Variants in SCARA5 observed in about 807,000 individuals in gnomAD.
SCARA5 encodes the protein scavenger receptor class A member 5.
Under a neutral mutation model 46.3 loss-of-function variants are expected in SCARA5, and 45 were observed. The ratio of observed to expected loss-of-function variants is 0.97; its 90% confidence interval spans 0.76 to 1.24. The LOEUF is 1.24. SCARA5 is among the 50% of genes most tolerant of loss of function. The probability of loss-of-function intolerance (pLI) is 0.00; values close to 1 mark genes in which losing one functional copy is unlikely to be tolerated. For missense variants in SCARA5, 680 were observed against 689.0 expected, an observed-to-expected ratio of 0.99 and a Z score of 0.15; for synonymous variants, 333 against 306.5, an observed-to-expected ratio of 1.09 and a Z score of -0.90.
intron 7 of SCARA5, among the ~76,000 whole-genome samples, chr8:27,900,822 C>T (rs1289723872): frequency 6.7e-6 from 1 of 148,736 alleles, no homozygotes; most frequent in Non-Finnish European, 1.5e-5. Flanking sequence ...GCCAAACTCC[C>T]AAAAGCCAAA....
At chr8:27,989,982 G>A (rs1464448185) in intron 1 of SCARA5, among the ~76,000 whole-genome samples, 1 of 152,276 alleles carries the variant, frequency 6.6e-6, no homozygotes, top group Non-Finnish European at 1.5e-5. Flanking sequence ...CTCTGCCAAA[G>A]GCAATAGCCT....
At chr8:27,903,922 A>T (rs999291168) in intron 7 of SCARA5, among the ~76,000 whole-genome samples, 4 of 152,180 alleles carry the variant, frequency 2.6e-5, no homozygotes, top group African/African-American at 9.7e-5. Flanking sequence ...GACAGAGCCA[A>T]CTAACACCAC....
chr8:27,950,501 G>A (rs571410367), intron 3 of SCARA5, among the ~76,000 whole-genome samples: 60 of 152,210 alleles, frequency 3.9e-4, no homozygotes, highest in African/African-American at 1.3e-3. Flanking sequence ...GGCCAGCACC[G>A]TGGTTTCCCT....
At chr8:27,984,148 C>T (rs1808665110) in intron 2 of SCARA5, among the ~76,000 whole-genome samples, 1 of 152,084 alleles carries the variant, frequency 6.6e-6, no homozygotes, top group Non-Finnish European at 1.5e-5. Context: ...TCCCATTTCA[C>T]TCCGCAGAGA....
chr8:27,964,036 C>T (rs1456478485), intron 3 of SCARA5, among the ~76,000 whole-genome samples: 1 of 152,226 alleles, frequency 6.6e-6, no homozygotes, highest in Non-Finnish European at 1.5e-5. Context: ...CAGGCAAGCT[C>T]TTCTTCACAC....
intron 3 of SCARA5, among the ~76,000 whole-genome samples, chr8:27,944,097 C>G (rs79030205): frequency 6.6e-6 from 1 of 152,280 alleles, no homozygotes; most frequent in Admixed American, 6.5e-5. Flanking sequence ...TAGCAAGCAA[C>G]TGGCCTGCAT....
chr8:27,952,488 C>T (rs1808143756), intron 3 of SCARA5, among the ~76,000 whole-genome samples: 2 of 152,062 alleles, frequency 1.3e-5, no homozygotes, highest in African/African-American at 4.8e-5. Flanking sequence ...CCTTCGTTGC[C>T]ATCACCCAGG....
intron 7 of SCARA5, among the ~76,000 whole-genome samples, chr8:27,890,374 A>T (rs944830804): frequency 9.8e-5 from 15 of 152,340 alleles, no homozygotes; most frequent in African/African-American, 3.1e-4. Flanking sequence ...CACTCCTAGA[A>T]CCAGGTGGCA....
At chr8:27,985,598 C>T (rs897657074) in intron 2 of SCARA5, among the ~76,000 whole-genome samples, 1 of 152,168 alleles carries the variant, frequency 6.6e-6, no homozygotes, top group African/African-American at 2.4e-5. Flanking sequence ...TCAGAGATAA[C>T]CCCCTGCATC....
intron 4 of SCARA5, among the ~76,000 whole-genome samples, chr8:27,920,445 T>A (rs557048543): frequency 6.6e-6 from 1 of 151,610 alleles, no homozygotes; most frequent in African/African-American, 2.4e-5. Context: ...AAACTCTGTC[T>A]TCTACTAAAA....
intron 7 of SCARA5, among the ~76,000 whole-genome samples, chr8:27,889,683 G>A (rs1806952279): frequency 6.6e-6 from 1 of 152,200 alleles, no homozygotes; most frequent in African/African-American, 2.4e-5. Context: ...CCCTGGAACT[G>A]CAATGCTTCT....
At chr8:27,891,328 C>T (rs1028873322) in intron 7 of SCARA5, among the ~76,000 whole-genome samples, 1 of 152,010 alleles carries the variant, frequency 6.6e-6, no homozygotes, top group Non-Finnish European at 1.5e-5. Context: ...GCCTCAGCCT[C>T]CTGAGTAGCT....
intron 5 of SCARA5, among the ~76,000 whole-genome samples, chr8:27,908,478 T>G (rs911364510): frequency 6.6e-6 from 1 of 152,232 alleles, no homozygotes; most frequent in Admixed American, 6.5e-5. Flanking sequence ...CTAATTGTTC[T>G]TTCCTGCTTG....
chr8:27,963,255 T>C (rs1370682904), intron 3 of SCARA5, among the ~76,000 whole-genome samples: 1 of 152,224 alleles, frequency 6.6e-6, no homozygotes, highest in Non-Finnish European at 1.5e-5. Flanking sequence ...AAAGGACATC[T>C]TGCCTGAAGT....
At chr8:27,879,451 G>A (rs1007178550) in intron 8 of SCARA5, 118 bp downstream of exon 8, 7 of 941,170 alleles carry the variant, frequency 7.4e-6, no homozygotes, top group Non-Finnish European at 9.9e-6. Context: ...GCAAGCATTT[G>A]GGGAGAGGCT....
At chr8:27,918,875 A>G (rs111215796) in intron 4 of SCARA5, among the ~76,000 whole-genome samples, 2 of 12,784 alleles carry the variant, frequency 1.6e-4, no homozygotes, top group Non-Finnish European at 1.6e-4. Context: ...GGAGGGGAAG[A>G]AGGAGAAGGA....
chr8:27,875,362 G>A (rs572018013), intron 8 of SCARA5, among the ~76,000 whole-genome samples: 2 of 152,096 alleles, frequency 1.3e-5, no homozygotes, highest in African/African-American at 4.8e-5. Flanking sequence ...TCCATGTATC[G>A]CAGGGATCAG....
rs114609986 is a variant in SCARA5, at chr8:27,984,927, C to A, written c.112+2577G>T. On this transcript the variant is annotated intron_variant, in intron 2 of 8. Transcript: ENST00000354914. ...TCCATTTATTCATTCATCCATTCAC[C>A]CATTCATCCATCCATTCATTCATCC... Among the ~76,000 whole-genome samples, 308 of 150,886 alleles carry A rather than the reference C, an allele frequency of 2.0e-3. 2 individuals carry two copies. Among genetic ancestry groups the A allele is most frequent in the African/African-American group, 7.1e-3 (291 of 41,034 alleles).
rs1214234746 is a variant in SCARA5 at position 27,992,390 on chromosome 8, A to C, written c.-149T>G. Reference sequence around the variant, plus strand: ...GGACCGCGTCCCCACAGCCAGCCAAATCCAGATGGAGTCATAGAAAGGGGC... The same window carrying C: ...GGACCGCGTCCCCACAGCCAGCCAACTCCAGATGGAGTCATAGAAAGGGGC... On this transcript the variant is annotated 5_prime_UTR_variant, in exon 1 of 9. Transcript: ENST00000354914. The C allele has an allele frequency of 6.6e-6, 1 of 152,348 alleles. No homozygotes were observed. Among genetic ancestry groups the C allele is most frequent in the Non-Finnish European group, 1.5e-5 (1 of 68,152 alleles). The allele number at this position is 152,348 out of a possible 1,614,324, so 9.4% of individuals were successfully genotyped here. A position where few individuals can be genotyped will look rare whatever the true frequency, so the allele number is the denominator to read the frequency against.
Sources: gnomAD v4.1 joint callset for allele counts (sites outside exome capture counted in the v4.1 genomes callset) on GRCh38, gnomAD v4.1.1 for gene constraint, MANE v1.5 for transcripts, NCBI Gene and HGNC (gene_info 2026-07-23, HGNC 2026-07-21) for gene names.